Variants in CLEC16A observed in about 807,000 individuals in gnomAD.
CLEC16A encodes C-type lectin domain containing 16A.
CLEC16A carries 51 observed loss-of-function variants against 109.5 expected under a neutral mutation model. The ratio of observed to expected loss-of-function variants is 0.47; its 90% CI spans 0.37 to 0.59. The LOEUF (loss-of-function observed/expected upper bound fraction) is 0.59. CLEC16A is among the 20% of genes least tolerant of loss of function. The pLI, the probability that CLEC16A is intolerant of heterozygous loss-of-function variation, is 0.00. For synonymous variants in CLEC16A, 673 were observed against 564.2 expected, an observed-to-expected ratio of 1.19 and a Z score of -2.73; for missense variants, 1,339 against 1,394.0, an observed-to-expected ratio of 0.96 and a Z score of 0.63.
At chr16:11,139,393 C>T (rs1349799390) in intron 22 of CLEC16A, among the ~76,000 whole-genome samples, 1 of 152,230 alleles carries the variant, frequency 6.6e-6, no homozygotes, top group East Asian at 1.9e-4. Context: ...TTATTTGCAG[C>T]TGTCCAGCCA....
At chr16:11,151,232 G>A (rs1037953087) in intron 22 of CLEC16A, among the ~76,000 whole-genome samples, 3 of 152,206 alleles carry the variant, frequency 2.0e-5, no homozygotes, top group East Asian at 1.9e-4. Flanking sequence ...TCCTTATTCA[G>A]AAATCTTGGT....
intron 11 of CLEC16A, among the ~76,000 whole-genome samples, chr16:11,010,507 CT>C (rs1168096561): frequency 5.3e-5 from 8 of 152,176 alleles, no homozygotes; most frequent in Non-Finnish European, 1.5e-5. Context: ...CAGTTTACCC[CT>C]GTAACATTTC....
intron 11 of CLEC16A, among the ~76,000 whole-genome samples, chr16:11,012,958 C>T (rs200632072): frequency 2.0e-5 from 3 of 152,138 alleles, no homozygotes; most frequent in East Asian, 1.9e-4. Context: ...TACTTCAGGA[C>T]GCCAGGTGGG....
chr16:11,027,896 G>T, intron 13 of CLEC16A: 1 of 616,986 alleles, frequency 1.6e-6, no homozygotes, highest in Non-Finnish European at 2.9e-6. Context: ...TGGAAAGGAA[G>T]GGTCAAAGAA....
chr16:11,125,641 C>T (rs1597471642), intron 21 of CLEC16A, among the ~76,000 whole-genome samples: 1 of 152,352 alleles, frequency 6.6e-6, no homozygotes, highest in East Asian at 1.9e-4. Context: ...TCTGAAACAG[C>T]CTTTGTCAGG....
At chr16:11,052,196 A>T (rs1052671200) in intron 18 of CLEC16A, among the ~76,000 whole-genome samples, 1 of 152,116 alleles carries the variant, frequency 6.6e-6, no homozygotes, top group African/African-American at 2.4e-5. Context: ...GTACTCTAGG[A>T]AGCAGTGTCC....
intron 13 of CLEC16A, chr16:11,035,929 G>C (rs2046991464): frequency 6.6e-6 from 1 of 152,386 alleles, no homozygotes; most frequent in Non-Finnish European, 1.5e-5. Context: ...CTGGGAGAGA[G>C]AATGGGGCCC....
intron 10 of CLEC16A, among the ~76,000 whole-genome samples, chr16:10,990,096 T>G (rs1245652933): frequency 6.6e-6 from 1 of 152,202 alleles, no homozygotes; most frequent in African/African-American, 2.4e-5. Context: ...AGGTTGATTG[T>G]GAATATCAAA....
At chr16:11,156,700 G>A in intron 22 of CLEC16A, 1 of 1,294,744 alleles carries the variant, frequency 7.7e-7, no homozygotes, top group Non-Finnish European at 1.0e-6. Context: ...CAGTGGAAGA[G>A]GGCAGGGGCT....
In CLEC16A at chr16:11,172,607, G is replaced by A. The variant is rs2068568864; in HGVS notation, c.2807-5728G>A. ...ACATTCATTTTTAAAAAACAAAAAC[G>A]GCCAAGTGCAGTGGCTCATGCCTGT... On this transcript the variant is annotated intron_variant, in intron 23 of 23. Coordinates refer to ENST00000409790, the MANE Select transcript of CLEC16A (RefSeq NM_015226.3). Among the ~76,000 whole-genome samples, 4 of 152,156 alleles carry A rather than the reference G, an allele frequency of 2.6e-5. No individual in the cohort carries two copies. The South Asian group carries it at 8.3e-4, about 32-fold the overall frequency.
At chr16:11,173,229 CT>C (rs1158138314) in intron 23 of CLEC16A, among the ~76,000 whole-genome samples, 1 of 152,124 alleles carries the variant, frequency 6.6e-6, no homozygotes. Context: ...TGGCATCATC[CT>C]TTTTTATTGT....
chr16:11,100,394 G>A (rs1286443826), intron 19 of CLEC16A, among the ~76,000 whole-genome samples: 1 of 152,220 alleles, frequency 6.6e-6, no homozygotes, highest in African/African-American at 2.4e-5. Context: ...CCCGGCCAAA[G>A]TGAAGTCACC....
At chr16:11,040,877 A>G (rs2152851527) in intron 14 of CLEC16A, 1 of 152,288 alleles carries the variant, frequency 6.6e-6, no homozygotes, top group South Asian at 2.1e-4. Context: ...CAATGCATTA[A>G]CAAAGGGACT....
intron 12 of CLEC16A, among the ~76,000 whole-genome samples, chr16:11,023,082 G>C (rs1041148031): frequency 6.8e-6 from 1 of 147,278 alleles, no homozygotes; most frequent in Non-Finnish European, 1.5e-5. Context: ...TACCATTTTG[G>C]TTATTTTTTT....
chr16:11,132,746 A>T (rs1660282180), intron 22 of CLEC16A, among the ~76,000 whole-genome samples: 1 of 152,192 alleles, frequency 6.6e-6, no homozygotes, highest in South Asian at 2.1e-4. Flanking sequence ...GGGGGTGGGT[A>T]CAGGGTTGTG....
intron 19 of CLEC16A, among the ~76,000 whole-genome samples, chr16:11,097,197 TTTGCCAA>T (rs1402925015): frequency 1.3e-5 from 2 of 152,218 alleles, no homozygotes; most frequent in African/African-American, 4.8e-5. Flanking sequence ...GAAAGACTTC[TTTGCCAA>T]TTGCCAAGTT....
At chr16:11,116,717 C>T (rs536073369) in intron 19 of CLEC16A, among the ~76,000 whole-genome samples, 1 of 152,156 alleles carries the variant, frequency 6.6e-6, no homozygotes, top group Non-Finnish European at 1.5e-5. Flanking sequence ...AATGCATGAG[C>T]CCAGTTTGTT....
At chr16:11,006,648 T>TG (rs1327691425) in intron 11 of CLEC16A, among the ~76,000 whole-genome samples, 1 of 152,208 alleles carries the variant, frequency 6.6e-6, no homozygotes, top group African/African-American at 2.4e-5. Flanking sequence ...AAAAGGCATG[T>TG]GGTCACGAGG....
chr16:11,095,415 G>A lies in CLEC16A; in HGVS notation c.2117-25200G>A, dbSNP rs578227846. ...TGATCAGTCCTGACATTCTCTCCAC[G>A]GGCCAGCTCTGGTCTGTGTGTTGGG... On this transcript the variant is annotated intron_variant, in intron 19 of 23. Transcript: ENST00000409790. 2.3e-4 allele frequency among the ~76,000 whole-genome samples: 35 copies of A among 152,190 alleles called. No individual in the cohort carries two copies. The South Asian group carries it at 2.5e-3, about 11-fold the overall frequency.
Sources: allele counts gnomAD v4.1 joint callset (sites outside exome capture counted in the v4.1 genomes callset), GRCh38; gene constraint gnomAD v4.1.1; transcripts MANE v1.5; gene names NCBI Gene and HGNC (gene_info 2026-07-23, HGNC 2026-07-21).